DIAPH2: variants seen among roughly 807,000 people sequenced by gnomAD.
DIAPH2 encodes protein diaphanous homolog 2.
A neutral mutation model predicts 92.7 loss-of-function variants in DIAPH2; 35 were observed. The ratio of observed to expected loss-of-function variants is 0.38; its 90% confidence interval spans 0.29 to 0.50. The LOEUF (loss-of-function observed/expected upper bound fraction) is 0.50, where lower values mean the gene tolerates loss of function less well. DIAPH2 is among the 20% of genes least tolerant of loss of function. The probability of loss-of-function intolerance (pLI) is 0.94; values close to 1 mark genes in which losing one functional copy is unlikely to be tolerated. For missense variants in DIAPH2, 701 were observed against 819.5 expected (o/e 0.86, Z 1.77); for synonymous variants, 301 against 280.4 (o/e 1.07, Z -0.73).
intron 23 of DIAPH2, among the ~76,000 whole-genome samples, chrX:97,316,485 C>CAAAAAAA (rs55897560): frequency 3.4e-5 from 2 of 59,303 alleles, no homozygotes; most frequent in African/African-American, 6.3e-5. Context: ...ACTAAAAATA[C>CAAAAAAA]AAAAAAAAAA....
chrX:97,255,589 G>C lies in DIAPH2; in HGVS notation c.2844+7750G>C, dbSNP rs187398781. Among the ~76,000 whole-genome samples the C allele has an allele frequency of 5.8e-3, 654 of 111,893 alleles. 2 individuals carry two copies. Among genetic ancestry groups the C allele is most frequent in the African/African-American group, 0.02 (614 of 30,902 alleles). On this transcript the variant is annotated intron_variant, in intron 23 of 26. Transcript: ENST00000324765. Reference sequence around the variant, plus strand: ...AATAAATGTTTATTTAAATAGGTTAGAGTTTATTATATAATTAATATAAAA... The same window carrying C: ...AATAAATGTTTATTTAAATAGGTTACAGTTTATTATATAATTAATATAAAA...
chrX:97,030,131 TAA>T (rs2066363562), intron 17 of DIAPH2, among the ~76,000 whole-genome samples: 5 of 111,749 alleles, frequency 4.5e-5, no homozygotes, highest in Middle Eastern at 4.7e-3. Flanking sequence ...AGATGAGGAA[TAA>T]GAAATGGAGG....
At chrX:96,963,942 A>G (rs977128330) in intron 16 of DIAPH2, among the ~76,000 whole-genome samples, 5 of 110,960 alleles carry the variant, frequency 4.5e-5, no homozygotes, top group African/African-American at 1.6e-4. Flanking sequence ...ATAAGTGACA[A>G]TATTCAATAT....
At chrX:96,724,246 G>A (rs763033708) in intron 1 of DIAPH2, among the ~76,000 whole-genome samples, 4 of 111,200 alleles carry the variant, frequency 3.6e-5, no homozygotes, top group African/African-American at 6.5e-5. Context: ...ATTTTTAAGC[G>A]TATCTTTATT....
chrX:96,817,234 T>C (rs948136602), intron 4 of DIAPH2, among the ~76,000 whole-genome samples: 1 of 111,901 alleles, frequency 8.9e-6, no homozygotes, highest in Non-Finnish European at 1.9e-5. Flanking sequence ...TATAATTGGA[T>C]TGTTTGTAAC....
At chrX:97,017,642 GA>G (rs1222054995) in intron 17 of DIAPH2, among the ~76,000 whole-genome samples, 1 of 112,073 alleles carries the variant, frequency 8.9e-6, no homozygotes, top group Non-Finnish European at 1.9e-5. Flanking sequence ...TAATTTTTTA[GA>G]CTCCACCTGT....
At chrX:97,155,434 G>C (rs1164730355) in intron 22 of DIAPH2, among the ~76,000 whole-genome samples, 1 of 109,242 alleles carries the variant, frequency 9.2e-6, no homozygotes, top group East Asian at 2.9e-4. Context: ...CCGGGAGGCA[G>C]AGGTTGCAGT....
intron 1 of DIAPH2, among the ~76,000 whole-genome samples, chrX:96,699,192 A>C (rs992227967): frequency 2.7e-5 from 3 of 112,049 alleles, no homozygotes; most frequent in African/African-American, 9.7e-5. Context: ...AATCTTAGTA[A>C]ATTTTTGTTT....
At chrX:96,749,511 G>A (rs779111624) in intron 3 of DIAPH2, among the ~76,000 whole-genome samples, 1 of 110,552 alleles carries the variant, frequency 9.0e-6, no homozygotes, top group Non-Finnish European at 1.9e-5. Flanking sequence ...GGTCCAAATC[G>A]AACAAATGCA....
intron 23 of DIAPH2, among the ~76,000 whole-genome samples, chrX:97,290,269 A>G (rs919213562): frequency 9.0e-6 from 1 of 111,140 alleles, no homozygotes; most frequent in Non-Finnish European, 1.9e-5. Flanking sequence ...AAACAGAGCA[A>G]GGAGACTATC....
chrX:97,415,508 A>G (rs1298038133), intron 25 of DIAPH2, among the ~76,000 whole-genome samples: 2 of 111,735 alleles, frequency 1.8e-5, no homozygotes, highest in African/African-American at 3.3e-5. Context: ...ATTCACCATG[A>G]AATACTATGC....
At chrX:97,439,303 G>A (rs927531513) in intron 26 of DIAPH2, among the ~76,000 whole-genome samples, 4 of 111,030 alleles carry the variant, frequency 3.6e-5, no homozygotes, top group Admixed American at 9.6e-5. Context: ...GGTGGGGTGC[G>A]GTGGTTCACA....
chrX:97,149,099 G>A (rs1381227194), intron 22 of DIAPH2, among the ~76,000 whole-genome samples: 1 of 111,552 alleles, frequency 9.0e-6, no homozygotes, highest in Admixed American at 9.5e-5. Context: ...TCTGCTATTA[G>A]TTTCATTGAA....
chrX:97,253,293 A>T (rs58243832), intron 23 of DIAPH2, among the ~76,000 whole-genome samples: 2 of 91,742 alleles, frequency 2.2e-5, no homozygotes, highest in African/African-American at 4.0e-5. Context: ...CTCCGTAAAA[A>T]AAAATAAAAT....
intron 23 of DIAPH2, among the ~76,000 whole-genome samples, chrX:97,313,782 G>A (rs1398379958): frequency 9.1e-6 from 1 of 110,315 alleles, no homozygotes; most frequent in African/African-American, 3.3e-5. Flanking sequence ...GGGATTACAG[G>A]AGTCCACCAC....
chrX:97,439,702 G>A (rs900411006), intron 26 of DIAPH2, among the ~76,000 whole-genome samples: 3 of 99,946 alleles, frequency 3.0e-5, no homozygotes, highest in Admixed American at 2.3e-4. Context: ...AGCTGTGATC[G>A]TGCCACTGCA....
chrX:97,255,401 T>TTTGA (rs1222070957), intron 23 of DIAPH2, among the ~76,000 whole-genome samples: 2 of 111,973 alleles, frequency 1.8e-5, no homozygotes, highest in Non-Finnish European at 3.8e-5. Flanking sequence ...ATTTTAATAC[T>TTTGA]TTGATTATTG....
At chrX:97,210,099 A>G (rs1339488858) in intron 22 of DIAPH2, among the ~76,000 whole-genome samples, 1 of 111,534 alleles carries the variant, frequency 9.0e-6, no homozygotes, top group Non-Finnish European at 1.9e-5. Context: ...AATAATCTCA[A>G]TTTATGTCAA....
chrX:96,784,908 C>T (rs939655704), intron 4 of DIAPH2, among the ~76,000 whole-genome samples: 1 of 112,262 alleles, frequency 8.9e-6, no homozygotes, highest in Non-Finnish European at 1.9e-5. Context: ...ATAGTCAGAT[C>T]ATCTCAGAAA....
Sources: gnomAD v4.1 joint callset for allele counts (sites outside exome capture counted in the v4.1 genomes callset) on GRCh38, gnomAD v4.1.1 for gene constraint, MANE v1.5 for transcripts, NCBI Gene and HGNC (gene_info 2026-07-23, HGNC 2026-07-21) for gene names.